NME7: variants seen among roughly 807,000 people sequenced by gnomAD.
NME7 encodes the protein NME/NM23 family member 7, also known as nucleoside diphosphate kinase 7.
Under a neutral mutation model 49.1 loss-of-function variants are expected in NME7, and 41 were observed. The observed-to-expected ratio is 0.83, with a 90% CI of 0.65 to 1.08. The LOEUF is 1.08. Ranked by LOEUF, NME7 falls within the 50% of genes least tolerant of loss-of-function variation. NME7 has a pLI of 0.00. For synonymous variants in NME7, 139 were observed against 150.6 expected (o/e 0.92, Z 0.56); for missense variants, 423 against 463.4 (o/e 0.91, Z 0.80).
chr1:169,267,484 A>T (rs1215462118), intron 7 of NME7, among the ~76,000 whole-genome samples: 1 of 133,940 alleles, frequency 7.5e-6, no homozygotes, highest in Admixed American at 7.3e-5. Flanking sequence ...AAAAAGATCA[A>T]AGCTGGAGGA....
intron 2 of NME7, among the ~76,000 whole-genome samples, chr1:169,323,583 A>AAT (rs1490855976): frequency 3.3e-5 from 5 of 152,138 alleles, no homozygotes; most frequent in Admixed American, 1.3e-4. Context: ...ATGCTAAAGA[A>AAT]AGAGTCATAC....
At chr1:169,157,100 T>TGA (rs1659099301) in intron 11 of NME7, among the ~76,000 whole-genome samples, 1 of 152,188 alleles carries the variant, frequency 6.6e-6, no homozygotes, top group Non-Finnish European at 1.5e-5. Flanking sequence ...CAGTGGACTT[T>TGA]TCTGGCAACT....
At chr1:169,350,051 G>C (rs1280558393) in intron 1 of NME7, among the ~76,000 whole-genome samples, 1 of 151,834 alleles carries the variant, frequency 6.6e-6, no homozygotes, top group African/African-American at 2.4e-5. Context: ...ACATAGCGGA[G>C]TGTGGTGGTG....
intron 11 of NME7, among the ~76,000 whole-genome samples, chr1:169,147,762 A>C (rs1385075624): frequency 3.9e-5 from 6 of 152,214 alleles, no homozygotes; most frequent in Non-Finnish European, 8.8e-5. Flanking sequence ...AGTAACGACT[A>C]TAGTAGTTTG....
At chr1:169,285,655 G>A (rs1337485409) in intron 7 of NME7, 1 of 152,074 alleles carries the variant, frequency 6.6e-6, no homozygotes, top group East Asian at 1.9e-4. Context: ...ATCTGGAAAA[G>A]AGCAACAAAT....
chr1:169,285,870 T>C (rs1650258682), intron 7 of NME7: 1 of 152,192 alleles, frequency 6.6e-6, no homozygotes, highest in African/African-American at 2.4e-5. Flanking sequence ...AGCAAGATCT[T>C]TAAGGCTCAT....
intron 7 of NME7, among the ~76,000 whole-genome samples, chr1:169,283,615 T>C (rs891289885): frequency 6.6e-6 from 1 of 152,224 alleles, no homozygotes; most frequent in Non-Finnish European, 1.5e-5. Context: ...AGTGCTTCTT[T>C]CAAGAGCTCT....
At chr1:169,365,297 C>T (rs1317261997) in intron 1 of NME7, among the ~76,000 whole-genome samples, 1 of 152,214 alleles carries the variant, frequency 6.6e-6, no homozygotes, top group Non-Finnish European at 1.5e-5. Context: ...TATTTCCCAT[C>T]CTTCCACTCA....
At chr1:169,246,938 CA>C in intron 7 of NME7, 1 of 434,626 alleles carries the variant, frequency 2.3e-6, no homozygotes, top group Admixed American at 2.7e-5. Context: ...TACTGAAATT[CA>C]TCAAGATGCA....
intron 11 of NME7, among the ~76,000 whole-genome samples, chr1:169,143,273 C>CTTTTTTTTTTTT (rs71299493): frequency 3.1e-5 from 3 of 98,176 alleles, no homozygotes; most frequent in Non-Finnish European, 4.2e-5. Context: ...TCACCTCAGG[C>CTTTTTTTTTTTT]TTTTTTTTTT....
intron 7 of NME7, among the ~76,000 whole-genome samples, chr1:169,279,232 C>G (rs1015374915): frequency 6.6e-6 from 1 of 152,212 alleles, no homozygotes; most frequent in South Asian, 2.1e-4. Flanking sequence ...CAGACAGGGA[C>G]ATTTAAGTCT....
intron 7 of NME7, among the ~76,000 whole-genome samples, chr1:169,272,280 A>G (rs1649517102): frequency 7.5e-6 from 1 of 132,912 alleles, no homozygotes; most frequent in Non-Finnish European, 1.8e-5. Flanking sequence ...TACATGTGCA[A>G]TTTTTATTCT....
chr1:169,203,545 A>AG (rs1660602618), intron 10 of NME7, among the ~76,000 whole-genome samples: 1 of 152,108 alleles, frequency 6.6e-6, no homozygotes, highest in Non-Finnish European at 1.5e-5. Flanking sequence ...AATGTATTAC[A>AG]ATTAGGCCTT....
At chr1:169,194,447 G>A (rs1310571885) in intron 10 of NME7, among the ~76,000 whole-genome samples, 2 of 152,208 alleles carry the variant, frequency 1.3e-5, no homozygotes, top group African/African-American at 2.4e-5. Context: ...TCAGGAGAGT[G>A]AGAGATAATA....
At chr1:169,258,035 T>C (rs1649025338) in intron 7 of NME7, among the ~76,000 whole-genome samples, 1 of 133,268 alleles carries the variant, frequency 7.5e-6, no homozygotes, top group Admixed American at 7.4e-5. Context: ...TGAGTGTTTG[T>C]TTCTATTTTA....
At chr1:169,184,923 A>T (rs1025650596) in intron 10 of NME7, among the ~76,000 whole-genome samples, 1 of 152,200 alleles carries the variant, frequency 6.6e-6, no homozygotes, top group Non-Finnish European at 1.5e-5. Context: ...TAACAATTAG[A>T]TCTTGCAAGC....
At chr1:169,289,743 T>C (rs969537033) in intron 6 of NME7, among the ~76,000 whole-genome samples, 5 of 152,184 alleles carry the variant, frequency 3.3e-5, no homozygotes, top group African/African-American at 1.2e-4. Context: ...AGTACCATAT[T>C]TACCTATGCT....
chr1:169,223,854 T>A (rs1661221042), intron 10 of NME7, among the ~76,000 whole-genome samples: 1 of 152,180 alleles, frequency 6.6e-6, no homozygotes, highest in Non-Finnish European at 1.5e-5. Flanking sequence ...TATCTTTTAT[T>A]TCTACATTTA....
intron 10 of NME7, among the ~76,000 whole-genome samples, chr1:169,192,743 A>T (rs1018963873): frequency 6.6e-6 from 1 of 152,188 alleles, no homozygotes; most frequent in Non-Finnish European, 1.5e-5. Context: ...CAACTTAGTT[A>T]TGGTAACTTG....
Sources: gnomAD v4.1 joint callset for allele counts (sites outside exome capture counted in the v4.1 genomes callset) on GRCh38, gnomAD v4.1.1 for gene constraint, MANE v1.5 for transcripts, NCBI Gene and HGNC (gene_info 2026-07-23, HGNC 2026-07-21) for gene names.